The following DAB1 variants were observed in gnomAD, a reference collection of about 807,000 sequenced individuals.
The protein encoded by DAB1 is disabled homolog 1.
In DAB1, 15 loss-of-function variants were observed where a neutral mutation model predicts 64.6. That is an observed-to-expected ratio of 0.23 (90% CI 0.16 to 0.36). The LOEUF (loss-of-function observed/expected upper bound fraction) is 0.36, where lower values mean the gene tolerates loss of function less well. Among genes scored for constraint, DAB1 ranks in the 10% least tolerant of loss-of-function variants. The pLI is 1.00. For synonymous variants in DAB1, 235 were observed against 251.9 expected, an observed-to-expected ratio of 0.93 and a Z score of 0.64; for missense variants, 596 against 706.7, an observed-to-expected ratio of 0.84 and a Z score of 1.78.
rs1281621774 is a variant in DAB1, at chr1:57,198,769, AGGT to A, written c.68-53343_68-53341del. Among the ~76,000 whole-genome samples, 4 of 151,518 alleles carry A rather than the reference AGGT, an allele frequency of 2.6e-5. No individual in the cohort carries two copies. The East Asian group carries it at 7.8e-4, about 29-fold the overall frequency. The stretch of plus-strand genomic sequence containing the variant: ...AAGCTGGACTCTGGAGGAGGAGAGG[AGGT>A]GATTAGGTGTTTCAAAGGAGAGAAA... On this transcript the variant is annotated intron_variant, in intron 2 of 14. Transcript: ENST00000371236.
chr1:57,274,113 C>T (rs1671266951), intron 2 of DAB1, among the ~76,000 whole-genome samples: 1 of 152,182 alleles, frequency 6.6e-6, no homozygotes, highest in Admixed American at 6.5e-5. Flanking sequence ...TGCCAATCTG[C>T]TCTGATCCCA....
At chr1:58,385,030 T>C (rs1259512889) in intron 3 of DAB1, among the ~76,000 whole-genome samples, 2 of 152,214 alleles carry the variant, frequency 1.3e-5, no homozygotes, top group Non-Finnish European at 2.9e-5. Context: ...CCAATCAAGT[T>C]GACAGTCAGT....
chr1:58,003,903 C>G lies in DAB1; in HGVS notation n.388-119741G>C, dbSNP rs141288568. 4.3e-3 allele frequency among the ~76,000 whole-genome samples: 658 copies of G among 152,326 alleles called. 7 individuals carry two copies. The highest frequency in any genetic ancestry group is 0.015 in the African/African-American group (637 of 41,588). On this transcript the variant is annotated intron_variant and non_coding_transcript_variant, in intron 5 of 20. Coordinates refer to the DAB1 transcript ENST00000485760. ...ATCTCTCTTTTATGCCAGCCTTTGC[C>G]TTCCTCAGCCACCCCCAGCCGAAGG...
At chr1:57,662,825 T>A (rs1325274731) in intron 6 of DAB1, among the ~76,000 whole-genome samples, 2 of 152,178 alleles carry the variant, frequency 1.3e-5, no homozygotes, top group Non-Finnish European at 2.9e-5. Context: ...AATGCAATAA[T>A]AGCTGGGGGA....
chr1:57,200,059 C>T (rs1346622911), intron 2 of DAB1, among the ~76,000 whole-genome samples: 1 of 152,146 alleles, frequency 6.6e-6, no homozygotes, highest in Non-Finnish European at 1.5e-5. Flanking sequence ...TAATCAAGTC[C>T]TTATTTCAAA....
intron 3 of DAB1, among the ~76,000 whole-genome samples, chr1:58,471,898 T>A (rs974229270): frequency 6.6e-6 from 1 of 152,202 alleles, no homozygotes; most frequent in Non-Finnish European, 1.5e-5. Flanking sequence ...TTAAATCTGT[T>A]TTCTTTAGAA....
intron 4 of DAB1, among the ~76,000 whole-genome samples, chr1:58,235,423 G>A (rs1337726469): frequency 6.6e-6 from 1 of 152,164 alleles, no homozygotes; most frequent in Non-Finnish European, 1.5e-5. Flanking sequence ...TAAGCACCTG[G>A]GCTATGAGGG....
At chr1:58,055,621 G>T (rs1380185909) in intron 5 of DAB1, among the ~76,000 whole-genome samples, 2 of 152,162 alleles carry the variant, frequency 1.3e-5, no homozygotes, top group African/African-American at 4.8e-5. Context: ...ACCAGTGATG[G>T]ACATATGCTA....
At chr1:57,508,987 A>G (rs138269751) in intron 7 of DAB1, among the ~76,000 whole-genome samples, 249 of 151,716 alleles carry the variant, frequency 1.6e-3, no homozygotes, top group African/African-American at 5.6e-3. Flanking sequence ...ATGCATATAC[A>G]TATATAAAAT....
At chr1:57,051,969 G>A (rs939193840) in intron 9 of DAB1, among the ~76,000 whole-genome samples, 2 of 152,150 alleles carry the variant, frequency 1.3e-5, no homozygotes, top group African/African-American at 4.8e-5. Context: ...AAAGGCAGTA[G>A]GTTTTAGTAG....
intron 1 of DAB1, among the ~76,000 whole-genome samples, chr1:57,357,729 CA>C (rs1339254393): frequency 6.6e-6 from 1 of 151,800 alleles, no homozygotes; most frequent in Non-Finnish European, 1.5e-5. Context: ...AAAGAGGAAG[CA>C]AACACATCCT....
At chr1:58,171,455 CA>C (rs1270848509) in intron 4 of DAB1, among the ~76,000 whole-genome samples, 1 of 152,238 alleles carries the variant, frequency 6.6e-6, no homozygotes, top group Non-Finnish European at 1.5e-5. Context: ...GAGGCTAGTG[CA>C]AGATCTTAGA....
intron 2 of DAB1, among the ~76,000 whole-genome samples, chr1:58,523,315 T>C (rs1382394830): frequency 3.9e-5 from 6 of 152,232 alleles, no homozygotes; most frequent in Non-Finnish European, 8.8e-5. Flanking sequence ...TCATCAACAA[T>C]TTATTATTTC....
At chr1:58,265,907 C>A (rs1661147919) in intron 4 of DAB1, among the ~76,000 whole-genome samples, 1 of 152,096 alleles carries the variant, frequency 6.6e-6, no homozygotes, top group Non-Finnish European at 1.5e-5. Context: ...TTTTGCCCAG[C>A]CCTCTCATCC....
chr1:57,743,550 G>A (rs1262247180), intron 6 of DAB1, among the ~76,000 whole-genome samples: 1 of 152,176 alleles, frequency 6.6e-6, no homozygotes, highest in African/African-American at 2.4e-5. Context: ...TCTCCACACG[G>A]ATGCGCGTGA....
intron 3 of DAB1, among the ~76,000 whole-genome samples, chr1:58,489,147 C>T (rs1291856765): frequency 2.0e-5 from 3 of 152,202 alleles, no homozygotes; most frequent in Admixed American, 1.3e-4. Flanking sequence ...GGCAAGGCAT[C>T]GTGTCACCCG....
intron 5 of DAB1, among the ~76,000 whole-genome samples, chr1:57,915,170 G>GA (rs1216660843): frequency 1.3e-5 from 2 of 149,760 alleles, no homozygotes; most frequent in Non-Finnish European, 3.0e-5. Flanking sequence ...TACCCGGAAG[G>GA]AAAAAAAGAA....
intron 6 of DAB1, among the ~76,000 whole-genome samples, chr1:57,683,550 G>C (rs1191608614): frequency 6.6e-6 from 1 of 152,136 alleles, no homozygotes; most frequent in Non-Finnish European, 1.5e-5. Context: ...GTGAAACCAA[G>C]CATAAGAATT....
intron 5 of DAB1, among the ~76,000 whole-genome samples, chr1:57,902,567 T>C (rs1644492027): frequency 6.6e-6 from 1 of 152,192 alleles, no homozygotes; most frequent in Admixed American, 6.5e-5. Context: ...TAATTGTCAT[T>C]TCTTGTTAGC....
Sources: gnomAD v4.1 joint callset for allele counts (sites outside exome capture counted in the v4.1 genomes callset) on GRCh38, gnomAD v4.1.1 for gene constraint, MANE v1.5 for transcripts, NCBI Gene and HGNC (gene_info 2026-07-23, HGNC 2026-07-21) for gene names.